The following CUX2 variants were observed in gnomAD, a reference collection of about 807,000 sequenced individuals.
CUX2 encodes homeobox protein cut-like 2.
In CUX2, 40 loss-of-function variants were observed where a neutral mutation model predicts 144.8. The observed-to-expected ratio is 0.28, with a 90% confidence interval of 0.21 to 0.36. The LOEUF is 0.36. CUX2 is among the 10% of genes least tolerant of loss of function. CUX2 has a pLI of 1.00. For synonymous variants in CUX2, 827 were observed against 875.6 expected (o/e 0.94, Z 0.98); for missense variants, 1,615 against 1,994.0 (o/e 0.81, Z 3.62).
At chr12:111,157,142 C>T (rs1222370945) in intron 1 of CUX2, among the ~76,000 whole-genome samples, 1 of 150,674 alleles carries the variant, frequency 6.6e-6, no homozygotes, top group Non-Finnish European at 1.5e-5. Context: ...GGTAGAATCG[C>T]CCAGTATCAG....
At position 111,320,086 on chromosome 12, in the gene CUX2, A is replaced by G; in HGVS notation, c.2077A>G (p.Ile693Val). Reference sequence around the variant, plus strand: ...CCCCGCCAGCACCTCGGAGGACGCCATCAAGAGCATCCTGGAGCAGGCACG... The same window carrying G: ...CCCCGCCAGCACCTCGGAGGACGCCGTCAAGAGCATCCTGGAGCAGGCACG... ...TTPASTSEDA[I>V]KSILEQARRE... is the part of the protein sequence containing the mutation. The change falls in exon 17 of 22, where the codon ATC (isoleucine) becomes GTC (valine). Residue 693 changes from isoleucine to valine, a missense_variant. This residue lies in a region of CUX2 where 390 missense variants were observed against 387.1 expected (regional missense o/e 1.01). Transcript: ENST00000261726. The surrounding 1 kb of genome is among the most constrained non-coding windows in gnomAD (Gnocchi z 8.1). The G allele has an allele frequency of 7.1e-6, 11 of 1,556,786 alleles. No individual in the cohort carries two copies. The highest frequency in any genetic ancestry group is 9.5e-6 in the Non-Finnish European group (11 of 1,154,718).
intron 9 of CUX2, among the ~76,000 whole-genome samples, chr12:111,303,111 C>T (rs1168549192): frequency 6.7e-6 from 1 of 149,318 alleles, no homozygotes; most frequent in Non-Finnish European, 1.5e-5. Context: ...ATCCCAGTTA[C>T]TCAGGAGGCT....
chr12:111,267,014 G>A (rs961388759), intron 4 of CUX2, among the ~76,000 whole-genome samples: 2 of 152,022 alleles, frequency 1.3e-5, no homozygotes, highest in African/African-American at 4.8e-5. Flanking sequence ...TAGGCAACAT[G>A]GAGAAACCCT....
intron 3 of CUX2, among the ~76,000 whole-genome samples, chr12:111,236,973 A>G (rs1882783007): frequency 6.6e-6 from 1 of 151,994 alleles, no homozygotes; most frequent in Non-Finnish European, 1.5e-5. Context: ...ACATGATGAG[A>G]CCTCATCTCT....
chr12:111,036,491 C>A (rs1417941928), intron 1 of CUX2, among the ~76,000 whole-genome samples: 3 of 152,060 alleles, frequency 2.0e-5, no homozygotes, highest in Admixed American at 6.5e-5. Context: ...ATCTGGGAAC[C>A]CTTTGTTAGG....
chr12:111,304,362 C>T lies in CUX2; in HGVS notation c.858+48C>T, dbSNP rs752036880. 1.2e-5 allele frequency: 18 copies of T among 1,490,918 alleles called. No individual in the cohort carries two copies. Among genetic ancestry groups the T allele is most frequent in the South Asian group, 9.3e-5 (8 of 85,746 alleles). 92.4% of individuals were successfully genotyped at this position (1,490,918 alleles called of 1,614,324 possible). ...GAGCAGGGAGGGCAGAGGGAAAGATCGGGAATGGCTGAGTTTGCAGGTTTC... is the reference window on the plus strand; with the variant it reads ...GAGCAGGGAGGGCAGAGGGAAAGATTGGGAATGGCTGAGTTTGCAGGTTTC... On this transcript the variant is annotated intron_variant, in intron 10 of 21. Coordinates refer to ENST00000261726, the MANE Select transcript of CUX2 (RefSeq NM_015267.4). The surrounding 1 kb of genome is among the most constrained non-coding windows in gnomAD (Gnocchi z 4.7).
rs76839042 is a variant in CUX2, at chr12:111,255,242, A to G, written c.223-8519A>G. 0.024 allele frequency among the ~76,000 whole-genome samples: 3,699 copies of G among 152,298 alleles called. 67 individuals carry two copies. The highest frequency in any genetic ancestry group is 0.071 in the Middle Eastern group (21 of 294). ...TCCAGAGGGCCAGAGAGGGTCTCCA[A>G]TTTCTGCCCCATTTTAGCAGGAGAC... On this transcript the variant is annotated intron_variant, in intron 3 of 21. Transcript: ENST00000261726. The surrounding 1 kb of genome is among the most constrained non-coding windows in gnomAD (Gnocchi z 4.1).
intron 18 of CUX2, among the ~76,000 whole-genome samples, chr12:111,325,011 T>C (rs1887705640): frequency 6.7e-6 from 1 of 148,324 alleles, no homozygotes; most frequent in Admixed American, 6.7e-5. Context: ...GCTGGCCGGG[T>C]GGGGTGCCTC....
chr12:111,236,138 G>C (rs957085281), intron 3 of CUX2, among the ~76,000 whole-genome samples: 6 of 152,164 alleles, frequency 3.9e-5, no homozygotes, highest in South Asian at 2.1e-4. Context: ...AGGATTCCAT[G>C]ACACTATGCC....
At chr12:111,309,511 G>C (rs1007046880) in intron 14 of CUX2, among the ~76,000 whole-genome samples, 2 of 152,162 alleles carry the variant, frequency 1.3e-5, no homozygotes, top group Non-Finnish European at 2.9e-5. Flanking sequence ...GAGAATGGAG[G>C]GGGTAGGGCA....
chr12:111,220,278 C>T (rs749895786), intron 3 of CUX2, among the ~76,000 whole-genome samples: 17 of 152,178 alleles, frequency 1.1e-4, no homozygotes, highest in Non-Finnish European at 1.5e-4. Flanking sequence ...CAGTGACCTC[C>T]AGTACAGGTT....
chr12:111,193,961 G>A (rs4766552), intron 1 of CUX2, among the ~76,000 whole-genome samples: 12,447 of 140,526 alleles, frequency 0.089, 973 homozygotes, highest in East Asian at 0.44. Context: ...GGGCTCCTCC[G>A]CAACCTTGCT....
intron 3 of CUX2, among the ~76,000 whole-genome samples, chr12:111,230,876 A>G (rs1592861937): frequency 1.3e-5 from 2 of 152,322 alleles, no homozygotes; most frequent in Middle Eastern, 3.4e-3. Context: ...TGTCGTTGAC[A>G]GGGGGCTGGG....
In CUX2 at chr12:111,034,177, G is replaced by A; in HGVS notation, c.-1G>A. Reference sequence around the variant, plus strand: ...GTGTGCGCGTCTCGATAGCCCCCAAGATGGCCGCCAATGTGGGATCGATGT... The same window carrying A: ...GTGTGCGCGTCTCGATAGCCCCCAAAATGGCCGCCAATGTGGGATCGATGT... On this transcript the variant is annotated 5_prime_UTR_variant, in exon 1 of 22. Coordinates refer to ENST00000261726, the MANE Select transcript of CUX2 (RefSeq NM_015267.4). This position sits in a 1 kb window ranked among gnomAD's most constrained non-coding sequence, Gnocchi z 4.2. 7.1e-7 allele frequency: 1 copy of A among 1,400,922 alleles called. No individual in the cohort carries two copies. Among genetic ancestry groups the A allele is most frequent in the Non-Finnish European group, 9.5e-7 (1 of 1,047,982 alleles). 86.8% of individuals were successfully genotyped at this position (1,400,922 alleles called of 1,614,324 possible). A position where few individuals can be genotyped will look rare whatever the true frequency, so the allele number is the denominator to read the frequency against.
chr12:111,070,152 A>G (rs79382138), intron 1 of CUX2, among the ~76,000 whole-genome samples: 11,070 of 152,222 alleles, frequency 0.073, 1,341 homozygotes, highest in African/African-American at 0.25. Flanking sequence ...CACAGCAGCC[A>G]TGGAGGCGTA....
chr12:111,034,271 G>T lies in CUX2; in HGVS notation c.63+31G>T, dbSNP rs1321727672. ...TGCGGGCAGCGCCGGCCGCGCGGCC[G>T]TGAGGAGCCCCCGGGCGCGCCCTGG... On this transcript the variant is annotated intron_variant, in intron 1 of 21. Coordinates refer to ENST00000261726, the MANE Select transcript of CUX2 (RefSeq NM_015267.4). This position sits in a 1 kb window ranked among gnomAD's most constrained non-coding sequence, Gnocchi z 4.2. The T allele has an allele frequency of 4.6e-6, 6 of 1,301,364 alleles. No individual in the cohort carries two copies. In the African/African-American group the frequency reaches 9.5e-5, roughly 21 times the overall value. 80.6% of individuals were successfully genotyped at this position (1,301,364 alleles called of 1,614,324 possible).
At chr12:111,333,851 A>G (rs1379580759) in intron 18 of CUX2, among the ~76,000 whole-genome samples, 1 of 149,948 alleles carries the variant, frequency 6.7e-6, no homozygotes, top group Admixed American at 6.7e-5. Flanking sequence ...AGAGAGTCCA[A>G]CCAGGTCTCT....
intron 20 of CUX2, among the ~76,000 whole-genome samples, chr12:111,340,154 G>A (rs1407199080): frequency 2.0e-5 from 3 of 152,128 alleles, no homozygotes; most frequent in Non-Finnish European, 4.4e-5. Flanking sequence ...CAAGAGGATC[G>A]TGCCACTGCA....
In CUX2 at chr12:111,277,883, A is replaced by G. The variant is rs1884952780; in HGVS notation, c.302-13535A>G. 6.6e-6 allele frequency among the ~76,000 whole-genome samples: 1 copy of G among 152,236 alleles called. No homozygotes were observed. Among genetic ancestry groups the G allele is most frequent in the Non-Finnish European group, 1.5e-5 (1 of 68,044 alleles). ...TCACCGTTCTGCAGAACAGAAGTCC[A>G]AGATGGGTCTCACTGGGCAACAATC... is the stretch of plus-strand genomic sequence containing the variant. On this transcript the variant is annotated intron_variant, in intron 4 of 21. Transcript: ENST00000261726. The surrounding 1 kb of genome is among the most constrained non-coding windows in gnomAD (Gnocchi z 5.0).
Sources: allele counts gnomAD v4.1 joint callset (sites outside exome capture counted in the v4.1 genomes callset), GRCh38; gene constraint gnomAD v4.1.1; regional missense constraint gnomAD v4.1.1; non-coding constraint Gnocchi (gnomAD v3.1); transcripts MANE v1.5; gene names NCBI Gene and HGNC (gene_info 2026-07-23, HGNC 2026-07-21).